The following ATRNL1 variants were observed in gnomAD, a reference collection of about 807,000 sequenced individuals.
The protein encoded by ATRNL1 is attractin-like protein 1.
A neutral mutation model predicts 182.7 loss-of-function variants in ATRNL1; 95 were observed. The ratio of observed to expected loss-of-function variants is 0.52; its 90% CI spans 0.44 to 0.62. ATRNL1 has a LOEUF of 0.62. Ranked by LOEUF, ATRNL1 falls within the 20% of genes least tolerant of loss-of-function variation. ATRNL1 has a pLI of 0.00. For missense variants in ATRNL1, 1,471 were observed against 1,679.5 expected (o/e 0.88, Z 2.17); for synonymous variants, 576 against 568.3 (o/e 1.01, Z -0.19).
At chr10:115,773,764 C>A (rs1363689727) in intron 27 of ATRNL1, among the ~76,000 whole-genome samples, 1 of 152,138 alleles carries the variant, frequency 6.6e-6, no homozygotes, top group African/African-American at 2.4e-5. Context: ...TGTTTCGTTA[C>A]AGATTACCTA....
chr10:115,330,084 C>T (rs889693338), intron 18 of ATRNL1, among the ~76,000 whole-genome samples: 13 of 152,146 alleles, frequency 8.5e-5, no homozygotes, highest in Non-Finnish European at 1.9e-4. Context: ...CTATCAAAAA[C>T]ATCTTATTAT....
intron 17 of ATRNL1, 79 bp downstream of exon 17, chr10:115,302,122 A>G (rs1853502067): frequency 3.8e-6 from 5 of 1,311,734 alleles, no homozygotes; most frequent in Non-Finnish European, 5.1e-6. Flanking sequence ...AGAATTAAAT[A>G]TTTGAAGAAG....
chr10:115,814,347 T>C (rs1950114818), intron 27 of ATRNL1, among the ~76,000 whole-genome samples: 1 of 152,138 alleles, frequency 6.6e-6, no homozygotes, highest in Non-Finnish European at 1.5e-5. Context: ...TAAAAAATAA[T>C]TTCCCAAGAG....
intron 5 of ATRNL1, among the ~76,000 whole-genome samples, chr10:115,154,258 A>C (rs1258059138): frequency 4.1e-5 from 6 of 147,072 alleles, no homozygotes; most frequent in African/African-American, 1.2e-4. Context: ...CAATTCCTGG[A>C]TATCGTTGTT....
intron 24 of ATRNL1, among the ~76,000 whole-genome samples, chr10:115,480,014 T>G (rs1848694397): frequency 6.6e-6 from 1 of 151,366 alleles, no homozygotes; most frequent in Non-Finnish European, 1.5e-5. Context: ...TAGATTAGAT[T>G]TTTTAATGAG....
At chr10:115,916,108 C>G (rs1400008521) in intron 28 of ATRNL1, among the ~76,000 whole-genome samples, 3 of 152,076 alleles carry the variant, frequency 2.0e-5, no homozygotes, top group African/African-American at 7.2e-5. Flanking sequence ...TCAGCTCCTT[C>G]TCACGAATTT....
At chr10:115,462,080 AT>A (rs781913813) in intron 22 of ATRNL1, 45 bp downstream of exon 22, 280 of 1,396,548 alleles carry the variant, frequency 2.0e-4, no homozygotes, top group Admixed American at 3.0e-4. Context: ...ATTGGACACA[AT>A]TTTTTTTTCA....
chr10:115,371,907 T>C (rs1042057632), intron 19 of ATRNL1, among the ~76,000 whole-genome samples: 1 of 152,132 alleles, frequency 6.6e-6, no homozygotes, highest in Non-Finnish European at 1.5e-5. Context: ...AAGGACCTGG[T>C]GGGAGATAGT....
chr10:115,860,670 C>G (rs1335915166), intron 28 of ATRNL1, among the ~76,000 whole-genome samples: 1 of 152,190 alleles, frequency 6.6e-6, no homozygotes, highest in Non-Finnish European at 1.5e-5. Flanking sequence ...GCTGGTGACC[C>G]TGTCCAGAAT....
chr10:115,714,275 G>A (rs1947179931), intron 26 of ATRNL1, among the ~76,000 whole-genome samples: 1 of 151,926 alleles, frequency 6.6e-6, no homozygotes, highest in South Asian at 2.1e-4. Flanking sequence ...ACCATGAAAG[G>A]TTAGGCTCAC....
intron 26 of ATRNL1, among the ~76,000 whole-genome samples, chr10:115,725,688 T>C (rs1156234025): frequency 6.6e-6 from 1 of 152,080 alleles, no homozygotes; most frequent in African/African-American, 2.4e-5. Flanking sequence ...CATGTTGGTG[T>C]GTGTGTTTTT....
At chr10:115,855,511 C>T (rs1266127358) in intron 28 of ATRNL1, among the ~76,000 whole-genome samples, 1 of 152,178 alleles carries the variant, frequency 6.6e-6, no homozygotes, top group Non-Finnish European at 1.5e-5. Flanking sequence ...GAATCCCTAG[C>T]TGCTAACAAG....
intron 18 of ATRNL1, among the ~76,000 whole-genome samples, chr10:115,320,343 C>T (rs1452609485): frequency 1.3e-5 from 2 of 151,888 alleles, no homozygotes; most frequent in South Asian, 2.1e-4. Flanking sequence ...CTTCATTTCG[C>T]CCTTAGAGAA....
intron 21 of ATRNL1, among the ~76,000 whole-genome samples, chr10:115,438,593 G>A (rs1167119986): frequency 6.6e-6 from 1 of 151,636 alleles, no homozygotes; most frequent in Non-Finnish European, 1.5e-5. Flanking sequence ...CCTTTTTCAT[G>A]CAATGTGTTT....
chr10:115,874,815 C>T (rs1196336868), intron 28 of ATRNL1, among the ~76,000 whole-genome samples: 1 of 152,074 alleles, frequency 6.6e-6, no homozygotes, highest in South Asian at 2.1e-4. Context: ...TAAGAAAGAT[C>T]GAAAATGCCA....
At chr10:115,490,266 T>G (rs988792511) in intron 24 of ATRNL1, among the ~76,000 whole-genome samples, 1 of 152,170 alleles carries the variant, frequency 6.6e-6, no homozygotes, top group Non-Finnish European at 1.5e-5. Context: ...ATTTGAATGT[T>G]GGCCTGCATT....
chr10:115,789,169 C>T (rs1394169336), intron 27 of ATRNL1, among the ~76,000 whole-genome samples: 1 of 152,134 alleles, frequency 6.6e-6, no homozygotes, highest in Non-Finnish European at 1.5e-5. Context: ...GTGTTGAAGT[C>T]CCTGCAGGTT....
intron 26 of ATRNL1, among the ~76,000 whole-genome samples, chr10:115,680,438 C>G (rs2133948385): frequency 6.6e-6 from 1 of 152,174 alleles, no homozygotes; most frequent in Non-Finnish European, 1.5e-5. Flanking sequence ...AGTTTATTGG[C>G]AAAATTAGTT....
chr10:115,476,875 C>A (rs1208325877), intron 24 of ATRNL1, among the ~76,000 whole-genome samples: 1 of 151,340 alleles, frequency 6.6e-6, no homozygotes, highest in East Asian at 1.9e-4. Context: ...TTTAACTTAT[C>A]ACAGTTTATT....
Sources: allele counts gnomAD v4.1 joint callset (sites outside exome capture counted in the v4.1 genomes callset), GRCh38; gene constraint gnomAD v4.1.1; transcripts MANE v1.5; gene names NCBI Gene and HGNC (gene_info 2026-07-23, HGNC 2026-07-21).